Variants in ADAM10 observed in about 807,000 individuals in gnomAD.
ADAM10 encodes ADAM metallopeptidase domain 10.
In ADAM10, 17 loss-of-function variants were observed where a neutral mutation model predicts 90.1. That is an observed-to-expected ratio of 0.19 (90% confidence interval 0.13 to 0.28). The LOEUF is 0.28. Among genes scored for constraint, ADAM10 ranks in the 10% least tolerant of loss-of-function variants. ADAM10 has a pLI of 1.00. For missense variants in ADAM10, 610 were observed against 914.3 expected (o/e 0.67, Z 4.29); for synonymous variants, 310 against 298.6 (o/e 1.04, Z -0.40).
Position 58,665,135 on chromosome 15 carries a change from T to C in ADAM10, c.547A>G (p.Arg183Gly), listed in dbSNP as rs1390284046. The part of the protein sequence containing the change: ...CADHSVFERM[R>G]KYQMTGVEEV... ...TCTACACCAGTCATCTGGTATTTCC[T>C]CATTCTTTCAAATACTGAATGATCT... Residue 183 changes from arginine to glycine, a missense_variant, in exon 5 of 16, where the codon AGG becomes GGG. Around this residue, in one of 4 missense-constraint regions of ADAM10, gnomAD observed 310 missense variants for 362.4 expected, o/e 0.86. Transcript: ENST00000260408. 1.2e-6 allele frequency: 2 copies of C among 1,613,438 alleles called. No individual in the cohort carries two copies. Among genetic ancestry groups the C allele is most frequent in the South Asian group, 2.2e-5 (2 of 91,080 alleles).
intron 5 of ADAM10, chr15:58,655,242 G>C (rs1428836535): frequency 6.6e-6 from 1 of 152,368 alleles, no homozygotes; most frequent in East Asian, 1.9e-4. Context: ...CTGAGACTGA[G>C]TAATTTATCA....
chr15:58,725,580 C>A (rs541773841), intron 1 of ADAM10, among the ~76,000 whole-genome samples: 70 of 151,206 alleles, frequency 4.6e-4, no homozygotes, highest in African/African-American at 1.6e-3. Context: ...TAAACAAAAA[C>A]CACATAAAGG....
intron 14 of ADAM10, among the ~76,000 whole-genome samples, chr15:58,608,738 T>A (rs1895350395): frequency 6.6e-6 from 1 of 152,186 alleles, no homozygotes. Context: ...TTAAAAATAC[T>A]TAAAAGATCA....
At chr15:58,610,114 CAT>C (rs1423917760) in intron 14 of ADAM10, 181 bp downstream of exon 14, 3 of 662,336 alleles carry the variant, frequency 4.5e-6, no homozygotes, top group South Asian at 1.7e-5. Flanking sequence ...GAATGATACA[CAT>C]GATTCTGATC....
chr15:58,668,618 C>T (rs1451474183), intron 4 of ADAM10, among the ~76,000 whole-genome samples: 1 of 146,188 alleles, frequency 6.8e-6, no homozygotes, highest in Non-Finnish European at 1.5e-5. Context: ...CTTCCTAAAT[C>T]TCCCTAAAGC....
chr15:58,679,347 T>C (rs1165374897), intron 3 of ADAM10, 65 bp from the exon 4 acceptor site: 6 of 1,369,998 alleles, frequency 4.4e-6, no homozygotes, highest in Non-Finnish European at 6.2e-6. Flanking sequence ...TTCATTCATA[T>C]ATATGTATAT....
At chr15:58,655,710 A>ATTAT (rs1566982335) in intron 5 of ADAM10, among the ~76,000 whole-genome samples, 2 of 44,202 alleles carry the variant, frequency 4.5e-5, no homozygotes, top group Non-Finnish European at 9.3e-5. Context: ...ATATATATAT[A>ATTAT]GTATATATAT....
chr15:58,592,461 TA>T lies in ADAM10; in HGVS notation c.*5085del, dbSNP rs1459823168. ...AAGTTATCTCAGCCTTGGCCAGTGG[TA>T]ACTTCTAAGGTGCCTCCTGAATCTT... On this transcript the variant is annotated 3_prime_UTR_variant, in exon 16 of 16. Coordinates refer to ENST00000260408, the MANE Select transcript of ADAM10 (RefSeq NM_001110.4). The T allele has an allele frequency of 6.6e-6, 1 of 152,190 alleles. No homozygotes were observed. Among genetic ancestry groups the T allele is most frequent in the Non-Finnish European group, 1.5e-5 (1 of 68,032 alleles). 9.4% of individuals were successfully genotyped at this position (152,190 alleles called of 1,614,324 possible). A position where few individuals can be genotyped will look rare whatever the true frequency, so the allele number is the denominator to read the frequency against.
intron 1 of ADAM10, chr15:58,748,996 C>T (rs533153120): frequency 1.0e-4 from 40 of 399,220 alleles, no homozygotes; most frequent in Non-Finnish European, 1.6e-4. Context: ...CGGCGGGTCT[C>T]GGCGGCGGAG....
At chr15:58,683,039 C>T (rs1382465275) in intron 2 of ADAM10, among the ~76,000 whole-genome samples, 4 of 152,060 alleles carry the variant, frequency 2.6e-5, no homozygotes, top group African/African-American at 9.7e-5. Flanking sequence ...AGGTTCCTGT[C>T]TGTGAAATAA....
At position 58,684,793 on chromosome 15, in the gene ADAM10, C is replaced by T. The variant is rs143566432; in HGVS notation, c.207-2479G>A. On this transcript the variant is annotated intron_variant, in intron 2 of 15. Transcript: ENST00000260408. ...AGCAGGTGGTCCGAAGTACAGGTGG[C>T]GCAGGACTTACAAATGGTGTCTGAA... Among the ~76,000 whole-genome samples, 339 of 152,262 alleles carry T rather than the reference C, an allele frequency of 2.2e-3. 3 individuals are homozygous for T. The highest frequency in any genetic ancestry group is 7.3e-3 in the African/African-American group (304 of 41,556).
chr15:58,687,410 A>G (rs565265857), intron 2 of ADAM10, among the ~76,000 whole-genome samples: 1 of 152,350 alleles, frequency 6.6e-6, no homozygotes, highest in South Asian at 2.1e-4. Flanking sequence ...GTAAATGATT[A>G]AAAACTAACA....
intron 1 of ADAM10, among the ~76,000 whole-genome samples, chr15:58,745,996 T>A (rs1447211870): frequency 6.6e-6 from 1 of 152,214 alleles, no homozygotes; most frequent in Non-Finnish European, 1.5e-5. Context: ...GAATAAAACA[T>A]ATCTCTAAGG....
chr15:58,699,452 AAAAG>A (rs1441536825), intron 2 of ADAM10, among the ~76,000 whole-genome samples: 1 of 152,178 alleles, frequency 6.6e-6, no homozygotes, highest in Admixed American at 6.5e-5. Flanking sequence ...CAATAAGAGA[AAAAG>A]AAAGGAACAA....
At chr15:58,650,475 G>A (rs73426521) in intron 5 of ADAM10, among the ~76,000 whole-genome samples, 5,249 of 152,124 alleles carry the variant, frequency 0.035, 94 homozygotes, top group Middle Eastern at 0.051. Context: ...TTATTCTTAG[G>A]GAGTAGTCCT....
At chr15:58,636,659 C>T (rs374912848) in intron 8 of ADAM10, among the ~76,000 whole-genome samples, 1 of 152,062 alleles carries the variant, frequency 6.6e-6, no homozygotes, top group Non-Finnish European at 1.5e-5. Flanking sequence ...TTTCTATCTA[C>T]AGGATAGTTT....
At chr15:58,598,037 A>G (rs1895003701) in intron 15 of ADAM10, among the ~76,000 whole-genome samples, 1 of 152,224 alleles carries the variant, frequency 6.6e-6, no homozygotes, top group South Asian at 2.1e-4. Flanking sequence ...CCAGATTAAT[A>G]TCACAGATTC....
chr15:58,729,889 G>C (rs1403337755), intron 1 of ADAM10, among the ~76,000 whole-genome samples: 1 of 151,720 alleles, frequency 6.6e-6, no homozygotes, highest in Non-Finnish European at 1.5e-5. Flanking sequence ...TTGAACCCAG[G>C]AGGCGGAGGC....
chr15:58,609,377 G>A (rs1426611646), intron 14 of ADAM10: 1 of 151,920 alleles, frequency 6.6e-6, no homozygotes, highest in Non-Finnish European at 1.5e-5. Flanking sequence ...TCCTAGGAAC[G>A]GTAAACATCA....
Sources: gnomAD v4.1 joint callset for allele counts (sites outside exome capture counted in the v4.1 genomes callset) on GRCh38, gnomAD v4.1.1 for gene constraint, gnomAD v4.1.1 regional missense constraint, MANE v1.5 for transcripts, NCBI Gene and HGNC (gene_info 2026-07-23, HGNC 2026-07-21) for gene names.